Variants in LRRTM3 observed in about 807,000 individuals in gnomAD.
The protein encoded by LRRTM3 is leucine rich repeat transmembrane neuronal 3.
In LRRTM3, 24 loss-of-function variants were observed where a neutral mutation model predicts 44.7. The ratio of observed to expected loss-of-function variants is 0.54; its 90% CI spans 0.39 to 0.76. The LOEUF (loss-of-function observed/expected upper bound fraction) is 0.76, where lower values mean the gene tolerates loss of function less well. LRRTM3 is among the 30% of genes least tolerant of loss of function. The probability of loss-of-function intolerance (pLI) is 0.00; values close to 1 mark genes in which losing one functional copy is unlikely to be tolerated. For missense variants in LRRTM3, 587 were observed against 702.2 expected (o/e 0.84, Z 1.85); for synonymous variants, 277 against 278.7 (o/e 0.99, Z 0.06).
At chr10:66,934,521 C>T (rs1847584486) in intron 2 of LRRTM3, among the ~76,000 whole-genome samples, 1 of 152,168 alleles carries the variant, frequency 6.6e-6, no homozygotes, top group Admixed American at 6.6e-5. Context: ...CTTCTCTTTC[C>T]TCTACAATCT....
intron 2 of LRRTM3, among the ~76,000 whole-genome samples, chr10:67,042,219 T>G (rs1018588049): frequency 2.0e-5 from 3 of 152,086 alleles, no homozygotes; most frequent in Admixed American, 2.0e-4. Flanking sequence ...GTAATTTCAA[T>G]AGTGCAGGGG....
At chr10:67,072,106 C>T (rs140444369) in intron 2 of LRRTM3, among the ~76,000 whole-genome samples, 1,999 of 152,242 alleles carry the variant, frequency 0.013, 48 homozygotes, top group African/African-American at 0.045. Context: ...ACATGCACCA[C>T]CAAGCCCAGC....
rs1017382193 is a variant in LRRTM3, at chr10:67,098,345, T to G, written c.*549T>G. Reference sequence around the variant, plus strand: ...TGCGAAACATGCACGATTTTTATTATGCTTACTGCGTAGAATTTTATCTAC... The same window carrying G: ...TGCGAAACATGCACGATTTTTATTAGGCTTACTGCGTAGAATTTTATCTAC... On this transcript the variant is annotated 3_prime_UTR_variant, in exon 3 of 3. Transcript: ENST00000361320. 5 of 152,642 alleles carry G rather than the reference T, an allele frequency of 3.3e-5. No homozygotes were observed. Among genetic ancestry groups the G allele is most frequent in the African/African-American group, 1.2e-4 (5 of 41,426 alleles). 9.5% of individuals were successfully genotyped at this position (152,642 alleles called of 1,614,324 possible). A position where few individuals can be genotyped will look rare whatever the true frequency, so the allele number is the denominator to read the frequency against.
intron 2 of LRRTM3, among the ~76,000 whole-genome samples, chr10:66,955,614 T>G (rs970377275): frequency 3.4e-4 from 52 of 152,126 alleles, no homozygotes; most frequent in African/African-American, 1.3e-3. Context: ...GTTGGATGAA[T>G]GGATATATGG....
intron 2 of LRRTM3, among the ~76,000 whole-genome samples, chr10:67,078,292 T>C (rs748606109): frequency 6.6e-6 from 1 of 152,202 alleles, no homozygotes; most frequent in Non-Finnish European, 1.5e-5. Context: ...TGTACCACTA[T>C]AGTGCCTACT....
chr10:67,082,579 C>A (rs1263358065), intron 2 of LRRTM3, among the ~76,000 whole-genome samples: 3 of 152,110 alleles, frequency 2.0e-5, no homozygotes, highest in Admixed American at 2.0e-4. Flanking sequence ...CTTCACAAGC[C>A]TCCTAGGAAA....
intron 2 of LRRTM3, among the ~76,000 whole-genome samples, chr10:66,941,066 G>A (rs1382760245): frequency 6.6e-6 from 1 of 152,172 alleles, no homozygotes; most frequent in African/African-American, 2.4e-5. Flanking sequence ...TGGGGGAAAG[G>A]CAGTTTAAGA....
chr10:66,961,229 T>G (rs1849094426), intron 2 of LRRTM3, among the ~76,000 whole-genome samples: 1 of 152,184 alleles, frequency 6.6e-6, no homozygotes, highest in South Asian at 2.1e-4. Flanking sequence ...TCTATTGTTT[T>G]GTATAGTCTC....
At chr10:67,001,853 T>C (rs950528576) in intron 2 of LRRTM3, among the ~76,000 whole-genome samples, 2 of 152,224 alleles carry the variant, frequency 1.3e-5, no homozygotes, top group Non-Finnish European at 1.5e-5. Flanking sequence ...TCTTTCTGTT[T>C]AGCCTTGTCA....
At chr10:66,945,616 T>C (rs1411159412) in intron 2 of LRRTM3, among the ~76,000 whole-genome samples, 2 of 152,186 alleles carry the variant, frequency 1.3e-5, no homozygotes, top group African/African-American at 4.8e-5. Flanking sequence ...CAAGAACTTT[T>C]CCTTTGCACT....
chr10:66,956,872 A>G (rs1390364636), intron 2 of LRRTM3, among the ~76,000 whole-genome samples: 2 of 152,238 alleles, frequency 1.3e-5, no homozygotes, highest in Non-Finnish European at 2.9e-5. Context: ...CAAGGGCCTC[A>G]TCCTCCTACG....
chr10:66,941,751 G>T (rs1413947934), intron 2 of LRRTM3, among the ~76,000 whole-genome samples: 1 of 152,170 alleles, frequency 6.6e-6, no homozygotes, highest in Non-Finnish European at 1.5e-5. Flanking sequence ...GCTGAGTGTG[G>T]CTGAAAGAGG....
At chr10:66,935,329 C>T (rs554406540) in intron 2 of LRRTM3, among the ~76,000 whole-genome samples, 6 of 152,038 alleles carry the variant, frequency 3.9e-5, no homozygotes, top group South Asian at 2.1e-4. Flanking sequence ...ATAGTTATAA[C>T]GGTGAAAACT....
intron 2 of LRRTM3, among the ~76,000 whole-genome samples, chr10:66,975,808 A>C (rs1266896180): frequency 3.3e-5 from 5 of 152,176 alleles, no homozygotes; most frequent in Non-Finnish European, 7.4e-5. Context: ...AAGTTAACAC[A>C]TGATATTTTG....
chr10:67,002,218 C>A (rs911326612), intron 2 of LRRTM3, among the ~76,000 whole-genome samples: 9 of 152,096 alleles, frequency 5.9e-5, no homozygotes, highest in African/African-American at 1.9e-4. Flanking sequence ...GAAGCTTTTT[C>A]AAAACAATAA....
At chr10:66,980,933 T>C (rs1376230991) in intron 2 of LRRTM3, among the ~76,000 whole-genome samples, 2 of 152,138 alleles carry the variant, frequency 1.3e-5, no homozygotes, top group Non-Finnish European at 2.9e-5. Flanking sequence ...TGAGACAGAG[T>C]TTCACTCTTG....
intron 2 of LRRTM3, among the ~76,000 whole-genome samples, chr10:66,936,792 AT>A (rs1847725352): frequency 1.3e-5 from 2 of 152,076 alleles, no homozygotes; most frequent in Admixed American, 1.3e-4. Context: ...TTGGTTTCTT[AT>A]GCGTTATCAA....
chr10:67,010,557 G>T (rs1852255683), intron 2 of LRRTM3, among the ~76,000 whole-genome samples: 1 of 152,156 alleles, frequency 6.6e-6, no homozygotes, highest in East Asian at 1.9e-4. Flanking sequence ...AGAGTGGGGG[G>T]AGCACTAGCT....
chr10:67,053,159 A>G (rs1211272903), intron 2 of LRRTM3, among the ~76,000 whole-genome samples: 3 of 152,204 alleles, frequency 2.0e-5, no homozygotes, highest in African/African-American at 7.2e-5. Flanking sequence ...CTGGGAACCA[A>G]TCATCTTTTA....
Sources: gnomAD v4.1 joint callset for allele counts (sites outside exome capture counted in the v4.1 genomes callset) on GRCh38, gnomAD v4.1.1 for gene constraint, MANE v1.5 for transcripts, NCBI Gene and HGNC (gene_info 2026-07-23, HGNC 2026-07-21) for gene names.